RAB4A: variants seen among roughly 807,000 people sequenced by gnomAD.
RAB4A encodes RAB4A, member RAS oncogene family.
Under a neutral mutation model 34.5 loss-of-function variants are expected in RAB4A, and 20 were observed. That is an observed-to-expected ratio of 0.58 (90% CI 0.41 to 0.84). RAB4A has a LOEUF of 0.84. Ranked by LOEUF, RAB4A falls within the 40% of genes least tolerant of loss-of-function variation. RAB4A has a pLI of 0.00. For missense variants in RAB4A, 228 were observed against 274.5 expected (o/e 0.83, Z 1.20); for synonymous variants, 102 against 100.0 (o/e 1.02, Z -0.12).
In RAB4A at chr1:229,305,379, C is replaced by A; in HGVS notation, c.*1586C>A. On this transcript the variant is annotated 3_prime_UTR_variant, in exon 8 of 8. Transcript: ENST00000366690. Reference sequence around the variant, plus strand: ...GTCTATTCTAACACATCAGCTTATTCAAAAGCAAGAATTTTAAAAATAAGA... The same window carrying A: ...GTCTATTCTAACACATCAGCTTATTAAAAAGCAAGAATTTTAAAAATAAGA... 8.4e-7 allele frequency: 1 copy of A among 1,194,552 alleles called. No homozygotes were observed. The highest frequency in any genetic ancestry group is 1.1e-6 in the Non-Finnish European group (1 of 880,060). 74.0% of individuals were successfully genotyped at this position (1,194,552 alleles called of 1,614,324 possible). A position where few individuals can be genotyped will look rare whatever the true frequency, so the allele number is the denominator to read the frequency against.
chr1:229,302,293 ATATATATATATATATATTTTT>A (rs1410897137), intron 6 of RAB4A, among the ~76,000 whole-genome samples: 4 of 24,214 alleles, frequency 1.7e-4, no homozygotes, highest in African/African-American at 6.8e-4. Flanking sequence ...ATATATATAT[ATATATATATATATATATTTTT>A]TTTTTTTTTT....
intron 2 of RAB4A, 129 bp from the exon 3 acceptor site, chr1:229,288,600 A>G: frequency 1.8e-6 from 1 of 567,446 alleles, no homozygotes; most frequent in Non-Finnish European, 3.1e-6. Flanking sequence ...GGAATGTTGG[A>G]GAAATGAATG....
intron 3 of RAB4A, among the ~76,000 whole-genome samples, chr1:229,294,620 A>G (rs1217139299): frequency 6.6e-6 from 1 of 152,196 alleles, no homozygotes; most frequent in African/African-American, 2.4e-5. Context: ...CGGGTGGATC[A>G]TCCGAGGTCA....
At chr1:229,286,321 G>A (rs1202575880) in intron 1 of RAB4A, among the ~76,000 whole-genome samples, 165 bp from the exon 2 acceptor site, 2 of 152,196 alleles carry the variant, frequency 1.3e-5, no homozygotes, top group Admixed American at 6.5e-5. Context: ...TATCTTAAAT[G>A]TGAAAAGGTA....
intron 1 of RAB4A, among the ~76,000 whole-genome samples, chr1:229,281,009 A>G (rs111647020): frequency 1.4e-4 from 21 of 152,274 alleles, no homozygotes; most frequent in African/African-American, 5.1e-4. Flanking sequence ...TGTACCAAAG[A>G]TTGTCTAACA....
At chr1:229,286,389 A>G (rs767708182) in intron 1 of RAB4A, 97 bp from the exon 2 acceptor site, 4 of 715,650 alleles carry the variant, frequency 5.6e-6, no homozygotes, top group African/African-American at 1.9e-5. Flanking sequence ...TTCCTGTTAT[A>G]TTAACAACTA....
chr1:229,286,566 T>A lies in RAB4A; in HGVS notation c.112T>A (p.Phe38Ile), dbSNP rs1558237148. ...ACTTCATCAGTTTATTGAAAAAAAA[T>A]GTAAGTGTCATGAAATTAGTCATTC... ...CLLHQFIEKK[F>I]KDDSNHTIGV... The change falls in exon 2 of 8, where the codon TTC (phenylalanine) becomes ATC (isoleucine). Residue 38 changes from phenylalanine to isoleucine, a missense_variant and splice_region_variant. Transcript: ENST00000366690. 8 of 1,545,058 alleles carry A rather than the reference T, an allele frequency of 5.2e-6. No individual in the cohort carries two copies. The highest frequency in any genetic ancestry group is 7.0e-6 in the Non-Finnish European group (8 of 1,134,948).
At chr1:229,289,188 A>C (rs1192982405) in intron 3 of RAB4A, 1 of 187,116 alleles carries the variant, frequency 5.3e-6, no homozygotes, top group Non-Finnish European at 1.1e-5. Context: ...TTTAAAGAAG[A>C]ACTTTTTAAA....
At chr1:229,300,817 C>T (rs1171012089) in intron 6 of RAB4A, among the ~76,000 whole-genome samples, 7 of 151,728 alleles carry the variant, frequency 4.6e-5, no homozygotes, top group Non-Finnish European at 7.4e-5. Context: ...TGTGATCGTC[C>T]GGAGAACAGT....
rs753491951 is a variant in RAB4A, at chr1:229,297,546, A to G, written c.355A>G (p.Ile119Val). Reference sequence around the variant, plus strand: ...TGCCCGAATGCTAGCGAGCCAGAACATTGTGATCATCCTTTGTGGAAACAA... The same window carrying G: ...TGCCCGAATGCTAGCGAGCCAGAACGTTGTGATCATCCTTTGTGGAAACAA... ...TDARMLASQN[I>V]VIILCGNKKD... The change falls in exon 5 of 8, where the codon ATT becomes GTT. Residue 119 changes from isoleucine (I) to valine (V), a missense_variant. Transcript: ENST00000366690. 2 of 1,613,352 alleles carry G rather than the reference A, an allele frequency of 1.2e-6. No homozygotes were observed. Among genetic ancestry groups the G allele is most frequent in the South Asian group, 2.2e-5 (2 of 90,858 alleles).
chr1:229,292,956 A>G (rs551045433), intron 3 of RAB4A, among the ~76,000 whole-genome samples: 5 of 152,210 alleles, frequency 3.3e-5, no homozygotes, highest in African/African-American at 4.8e-5. Flanking sequence ...GACACCAGTC[A>G]CAACTGGAGT....
chr1:229,296,751 C>G (rs371864841), intron 4 of RAB4A, among the ~76,000 whole-genome samples: 28 of 152,166 alleles, frequency 1.8e-4, no homozygotes, highest in Non-Finnish European at 3.8e-4. Flanking sequence ...GGGAGCCAGG[C>G]GTTCTGAGAG....
chr1:229,285,903 A>T (rs1656909726), intron 1 of RAB4A, among the ~76,000 whole-genome samples: 1 of 152,276 alleles, frequency 6.6e-6, no homozygotes, highest in African/African-American at 2.4e-5. Context: ...GTAAAGAAGA[A>T]GTTATTCAGT....
At position 229,276,700 on chromosome 1, in the gene RAB4A, A is replaced by T. The variant is rs147345816; in HGVS notation, c.31+5330A>T. ...TTGGGTTTCAGAGTCTTTTGAGCTG[A>T]CTTCTTAACATGGTTTAAGTTACTG... On this transcript the variant is annotated intron_variant, in intron 1 of 7. Coordinates refer to ENST00000366690, the MANE Select transcript of RAB4A (RefSeq NM_004578.4). Among the ~76,000 whole-genome samples, 21 of 151,506 alleles carry T rather than the reference A, an allele frequency of 1.4e-4. No homozygotes were observed. The East Asian group carries it at 3.9e-3, about 28-fold the overall frequency.
intron 1 of RAB4A, among the ~76,000 whole-genome samples, chr1:229,279,973 C>T (rs1656742602): frequency 6.6e-6 from 1 of 152,174 alleles, no homozygotes; most frequent in Non-Finnish European, 1.5e-5. Flanking sequence ...CCTACATAGG[C>T]ATTTTGCCTT....
chr1:229,290,714 G>A (rs1160464926), intron 3 of RAB4A, among the ~76,000 whole-genome samples: 2 of 152,196 alleles, frequency 1.3e-5, no homozygotes, highest in African/African-American at 4.8e-5. Flanking sequence ...GAAGAGCAGA[G>A]ATTGCATTGG....
intron 5 of RAB4A, 71 bp downstream of exon 5, chr1:229,297,707 A>G: frequency 1.4e-6 from 2 of 1,389,138 alleles, no homozygotes; most frequent in Admixed American, 2.6e-5. Flanking sequence ...CTTTGAATTT[A>G]AAACATATAT....
At chr1:229,276,827 T>G (rs1394535714) in intron 1 of RAB4A, among the ~76,000 whole-genome samples, 2 of 150,946 alleles carry the variant, frequency 1.3e-5, no homozygotes, top group Non-Finnish European at 2.9e-5. Flanking sequence ...TCGTAGTGAC[T>G]TGAGCAGCTG....
intron 3 of RAB4A, among the ~76,000 whole-genome samples, chr1:229,292,680 T>A (rs920811721): frequency 7.2e-5 from 11 of 152,238 alleles, no homozygotes; most frequent in African/African-American, 2.7e-4. Flanking sequence ...AAGTAGCTCT[T>A]CTTTGCCAAG....
Sources: gnomAD v4.1 joint callset for allele counts (sites outside exome capture counted in the v4.1 genomes callset) on GRCh38, gnomAD v4.1.1 for gene constraint, MANE v1.5 for transcripts, NCBI Gene and HGNC (gene_info 2026-07-23, HGNC 2026-07-21) for gene names.